FAM53B: variants seen among roughly 807,000 people sequenced by gnomAD.
FAM53B encodes family with sequence similarity 53 member B, also known as protein FAM53B.
Under a neutral mutation model 32.7 loss-of-function variants are expected in FAM53B, and 12 were observed. The ratio of observed to expected loss-of-function variants is 0.37; its 90% CI spans 0.24 to 0.59. The LOEUF (loss-of-function observed/expected upper bound fraction) is 0.59, where lower values mean the gene tolerates loss of function less well. Among genes scored for constraint, FAM53B ranks in the 20% least tolerant of loss-of-function variants. The probability of loss-of-function intolerance (pLI) is 0.72; values close to 1 mark genes in which losing one functional copy is unlikely to be tolerated. For missense variants in FAM53B, 477 were observed against 577.7 expected, an observed-to-expected ratio of 0.83 and a Z score of 1.79; for synonymous variants, 234 against 228.7, an observed-to-expected ratio of 1.02 and a Z score of -0.21.
At chr10:124,724,112 C>T (rs937187601) in intron 1 of FAM53B, among the ~76,000 whole-genome samples, 3 of 152,196 alleles carry the variant, frequency 2.0e-5, no homozygotes, top group African/African-American at 7.2e-5. Context: ...GATAATAAAT[C>T]CACAAGGGCA....
intron 4 of FAM53B, among the ~76,000 whole-genome samples, chr10:124,655,971 AAC>A (rs1330108628): frequency 6.6e-6 from 1 of 152,224 alleles, no homozygotes; most frequent in Non-Finnish European, 1.5e-5. Flanking sequence ...GTACGTACCA[AAC>A]AGAACTAGCC....
intron 4 of FAM53B, among the ~76,000 whole-genome samples, chr10:124,657,177 C>T (rs76397946): frequency 2.7e-3 from 205 of 74,958 alleles, no homozygotes; most frequent in East Asian, 8.8e-3. Flanking sequence ...TATATATGTA[C>T]ATATATATAT....
At chr10:124,718,823 GA>G (rs2134094584) in intron 1 of FAM53B, among the ~76,000 whole-genome samples, 1 of 152,240 alleles carries the variant, frequency 6.6e-6, no homozygotes, top group Admixed American at 6.5e-5. Flanking sequence ...TGACGCAGGT[GA>G]AATGCTTGAG....
At chr10:124,706,418 G>A (rs142228602) in intron 2 of FAM53B, among the ~76,000 whole-genome samples, 1 of 152,320 alleles carries the variant, frequency 6.6e-6, no homozygotes, top group Non-Finnish European at 1.5e-5. Context: ...TCATTCACCA[G>A]ATGACCTCAA....
chr10:124,662,784 A>G (rs529807458), intron 4 of FAM53B, among the ~76,000 whole-genome samples: 2 of 152,222 alleles, frequency 1.3e-5, no homozygotes, highest in African/African-American at 2.4e-5. Context: ...CGATCACACC[A>G]CAGTACTCCA....
At chr10:124,677,483 T>C (rs1456237328) in intron 4 of FAM53B, among the ~76,000 whole-genome samples, 1 of 152,208 alleles carries the variant, frequency 6.6e-6, no homozygotes, top group Non-Finnish European at 1.5e-5. Flanking sequence ...TGAGCTGCCT[T>C]TGGACAACCT....
intron 1 of FAM53B, among the ~76,000 whole-genome samples, chr10:124,715,201 A>T (rs994687099): frequency 8.5e-5 from 13 of 152,224 alleles, no homozygotes; most frequent in African/African-American, 2.4e-4. Flanking sequence ...TCCCAGCCAA[A>T]CATCAACCTT....
chr10:124,678,268 G>A (rs1280598128), intron 4 of FAM53B, among the ~76,000 whole-genome samples: 1 of 152,162 alleles, frequency 6.6e-6, no homozygotes, highest in Non-Finnish European at 1.5e-5. Context: ...GTCAGCACCC[G>A]GCCTGTGCCA....
At chr10:124,623,853 A>G in intron 4 of FAM53B, 2 of 487,150 alleles carry the variant, frequency 4.1e-6, no homozygotes, top group Admixed American at 3.9e-5. Context: ...GGCAAAGCAC[A>G]CAAATTTGAT....
At chr10:124,712,456 C>A (rs938190242) in intron 1 of FAM53B, among the ~76,000 whole-genome samples, 6 of 152,184 alleles carry the variant, frequency 3.9e-5, no homozygotes, top group African/African-American at 1.4e-4. Flanking sequence ...TATAAAAAAG[C>A]TCGGCACAGA....
intron 1 of FAM53B, among the ~76,000 whole-genome samples, chr10:124,723,059 AG>A (rs1466381119): frequency 1.3e-5 from 2 of 152,188 alleles, no homozygotes; most frequent in African/African-American, 4.8e-5. Flanking sequence ...CACCACCTCC[AG>A]GAAGACCTCC....
At chr10:124,721,268 TC>T (rs1426350148) in intron 1 of FAM53B, among the ~76,000 whole-genome samples, 3 of 152,210 alleles carry the variant, frequency 2.0e-5, no homozygotes, top group Non-Finnish European at 4.4e-5. Flanking sequence ...CCCTGCAGTC[TC>T]TCCCTCCCAC....
In FAM53B at chr10:124,744,331, T is replaced by C. The variant is rs3107463; in HGVS notation, c.-493A>G. 0.19 allele frequency: 27,441 copies of C among 145,138 alleles called. 3,245 individuals carry two copies. Among genetic ancestry groups the C allele is most frequent in the Non-Finnish European group, 0.26 (17,064 of 65,170 alleles). 9.0% of individuals were successfully genotyped at this position (145,138 alleles called of 1,614,324 possible). A position where few individuals can be genotyped will look rare whatever the true frequency, so the allele number is the denominator to read the frequency against. On this transcript the variant is annotated 5_prime_UTR_variant, in exon 1 of 5. Coordinates refer to ENST00000337318, the MANE Select transcript of FAM53B (RefSeq NM_014661.4). ...CCGGGCGCTAGGCGCGGCGGCGGCG[T>C]GCAGGAGGCAGGCGGCGTGCGGCGG...
Position 124,654,817 on chromosome 10 carries a change from A to G in FAM53B, c.906+26790T>C, listed in dbSNP as rs558972342. Reference sequence around the variant, plus strand: ...GGGTTTGTGAGCAGGCCCCTTCCAGAAGGAGGTAAGGAGGCCCCGGCGTGC... The same window carrying G: ...GGGTTTGTGAGCAGGCCCCTTCCAGGAGGAGGTAAGGAGGCCCCGGCGTGC... On this transcript the variant is annotated intron_variant, in intron 4 of 4. Coordinates refer to ENST00000337318, the MANE Select transcript of FAM53B (RefSeq NM_014661.4). Among the ~76,000 whole-genome samples the G allele has an allele frequency of 3.3e-5, 5 of 152,216 alleles. No individual in the cohort carries two copies. In the South Asian group the frequency reaches 8.3e-4, roughly 25 times the overall value.
At chr10:124,636,539 T>C (rs866734409) in intron 4 of FAM53B, among the ~76,000 whole-genome samples, 106 of 152,178 alleles carry the variant, frequency 7.0e-4, no homozygotes, top group African/African-American at 2.4e-3. Flanking sequence ...AAGAGGGAGA[T>C]CCCAGGAAAA....
rs373596151 is a variant in FAM53B at position 124,646,311 on chromosome 10, T to C, written c.907-22707A>G. ...TGTGCCTTCAAGAATGTTTCCATCGTGGCTTCAATACAGATGGGCTGTATC... is the reference window on the plus strand; with the variant it reads ...TGTGCCTTCAAGAATGTTTCCATCGCGGCTTCAATACAGATGGGCTGTATC... On this transcript the variant is annotated intron_variant, in intron 4 of 4. Transcript: ENST00000337318. Among the ~76,000 whole-genome samples, 18 of 152,356 alleles carry C rather than the reference T, an allele frequency of 1.2e-4. No homozygotes were observed. In the South Asian group the frequency reaches 3.7e-3, roughly 32 times the overall value.
intron 3 of FAM53B, among the ~76,000 whole-genome samples, chr10:124,687,453 T>C (rs1279801817): frequency 6.6e-6 from 1 of 152,218 alleles, no homozygotes; most frequent in Non-Finnish European, 1.5e-5. Context: ...CTCGTAGCTA[T>C]TATGAGAATT....
chr10:124,667,498 A>G (rs1272496765), intron 4 of FAM53B: 23 of 723,828 alleles, frequency 3.2e-5, no homozygotes, highest in Non-Finnish European at 2.6e-6. Context: ...AGCAGCCCAC[A>G]GCTGTGGCCT....
intron 4 of FAM53B, chr10:124,667,393 T>A: frequency 1.3e-6 from 1 of 769,766 alleles, no homozygotes; most frequent in Non-Finnish European, 2.4e-6. Context: ...GTAAAATGGA[T>A]AACGATGTGC....
Sources: allele counts gnomAD v4.1 joint callset (sites outside exome capture counted in the v4.1 genomes callset), GRCh38; gene constraint gnomAD v4.1.1; transcripts MANE v1.5; gene names NCBI Gene and HGNC (gene_info 2026-07-23, HGNC 2026-07-21).